RCN1: variants seen among roughly 807,000 people sequenced by gnomAD.
The protein encoded by RCN1 is reticulocalbin 1, also known as reticulocalbin-1.
A neutral mutation model predicts 34.7 loss-of-function variants in RCN1; 14 were observed. The ratio of observed to expected loss-of-function variants is 0.40; its 90% CI spans 0.27 to 0.63. RCN1 has a LOEUF of 0.63. Among genes scored for constraint, RCN1 ranks in the 30% least tolerant of loss-of-function variants. RCN1 has a pLI of 0.37. For synonymous variants in RCN1, 125 were observed against 165.5 expected (o/e 0.76, Z 1.88); for missense variants, 326 against 425.1 (o/e 0.77, Z 2.05).
chr11:32,091,566 G>C, intron 1 of RCN1, 116 bp downstream of exon 1: 1 of 1,354,620 alleles, frequency 7.4e-7, no homozygotes, highest in Non-Finnish European at 9.9e-7. Flanking sequence ...GCGCGGCCTC[G>C]AGGATGGGGC....
At chr11:32,098,070 G>C (rs1262770561) in intron 2 of RCN1, among the ~76,000 whole-genome samples, 1 of 152,196 alleles carries the variant, frequency 6.6e-6, no homozygotes, top group Non-Finnish European at 1.5e-5. Flanking sequence ...GATGAAAGTA[G>C]AGTTCTGCAA....
intron 4 of RCN1, among the ~76,000 whole-genome samples, chr11:32,101,563 C>T (rs537606789): frequency 4.1e-4 from 62 of 152,322 alleles, no homozygotes; most frequent in African/African-American, 1.4e-3. Context: ...GACACGAGAA[C>T]AAGTGCCTTC....
chr11:32,092,133 C>T (rs1244680275), intron 1 of RCN1, among the ~76,000 whole-genome samples: 1 of 151,890 alleles, frequency 6.6e-6, no homozygotes, highest in Non-Finnish European at 1.5e-5. Context: ...ACGGCGAAAT[C>T]CCGTCTCTAC....
At chr11:32,095,000 C>G (rs1006666277) in intron 1 of RCN1, among the ~76,000 whole-genome samples, 1 of 152,188 alleles carries the variant, frequency 6.6e-6, no homozygotes, top group Non-Finnish European at 1.5e-5. Context: ...GTTTATTTGG[C>G]ATAGATTAGA....
At chr11:32,091,534 C>CAAAGCG (rs1239111077) in intron 1 of RCN1, 84 bp downstream of exon 1, 4 of 1,478,428 alleles carry the variant, frequency 2.7e-6, no homozygotes, top group Non-Finnish European at 3.6e-6. Context: ...ATACCACCGC[C>CAAAGCG]AAAGCGAAAG....
chr11:32,105,658 C>T lies in RCN1; in HGVS notation c.*1186C>T, dbSNP rs1590221502. 1 of 152,020 alleles carries T rather than the reference C, an allele frequency of 6.6e-6. No homozygotes were observed. Among genetic ancestry groups the T allele is most frequent in the South Asian group, 2.1e-4 (1 of 4,818 alleles). The allele number at this position is 152,020 out of a possible 1,614,324, so 9.4% of individuals were successfully genotyped here. On this transcript the variant is annotated 3_prime_UTR_variant, in exon 6 of 6. Transcript: ENST00000054950. ...AAAGGTTCTGGGGTTTTTTTTCATC[C>T]AATTACTAGAATGTTCAGAATAGAC...
Position 32,091,433 on chromosome 11 carries a change from G to C in RCN1, c.237G>C (p.Glu79Asp), listed in dbSNP as rs113010055. The change falls in exon 1 of 6, where the codon GAG (glutamate) becomes GAC (aspartate). Residue 79 changes from glutamate to aspartate, a missense_variant. By Grantham distance (45) the Glu-to-Asp change is conservative. Coordinates refer to ENST00000054950, the MANE Select transcript of RCN1 (RefSeq NM_002901.4). The part of the protein sequence containing the change: ...SKTFDQLTPD[E>D]SKERLGKIVD... ...CCTTCGACCAGCTCACCCCGGACGAGAGCAAGGAGAGGCTAGGGTGAGGCC... is the reference window on the plus strand; with the variant it reads ...CCTTCGACCAGCTCACCCCGGACGACAGCAAGGAGAGGCTAGGGTGAGGCC... 2.6e-6 allele frequency: 4 copies of C among 1,547,244 alleles called. No homozygotes were observed. The highest frequency in any genetic ancestry group is 3.9e-5 in the Admixed American group (2 of 50,696).
At chr11:32,097,068 G>T in intron 1 of RCN1, 76 bp from the exon 2 acceptor site, 1 of 1,216,684 alleles carries the variant, frequency 8.2e-7, no homozygotes, top group South Asian at 1.9e-5. Context: ...TGCTGGACCA[G>T]CATCACACAA....
In RCN1 at chr11:32,091,549, A is replaced by G. The variant is rs1851922014; in HGVS notation, c.254+99A>G. The G allele has an allele frequency of 2.8e-5, 41 of 1,444,200 alleles. 1 individual carries two copies. The South Asian group carries it at 4.2e-4, about 15-fold the overall frequency. 89.5% of individuals were successfully genotyped at this position (1,444,200 alleles called of 1,614,324 possible). A position where few individuals can be genotyped will look rare whatever the true frequency, so the allele number is the denominator to read the frequency against. ...ATACCACCGCCAAAGCGAAAGCGAA[A>G]TCGCGCGCGCGGCCTCGAGGATGGG... On this transcript the variant is annotated intron_variant, in intron 1 of 5. Transcript: ENST00000054950.
intron 1 of RCN1, among the ~76,000 whole-genome samples, chr11:32,092,735 C>T (rs553294977): frequency 1.3e-5 from 2 of 152,148 alleles, no homozygotes; most frequent in South Asian, 4.2e-4. Context: ...GCAGTCCTGC[C>T]TATTGGGCAC....
In RCN1 at chr11:32,097,157, C is replaced by A. The variant is rs767768797; in HGVS notation, c.268C>A (p.Arg90=). ...TTTGTACTGCAGGAAGATTGTTGAT[C>A]GAATCGACAATGATGGGGATGGCTT... ...SKERLGKIVD[R]IDNDGDGFVT... The change falls in exon 2 of 6, where the codon CGA becomes AGA. Residue 90 remains arginine, a synonymous_variant. Transcript: ENST00000054950. 6.8e-6 allele frequency: 10 copies of A among 1,478,744 alleles called. No individual in the cohort carries two copies. The highest frequency in any genetic ancestry group is 2.4e-5 in the East Asian group (1 of 41,070). 91.6% of individuals were successfully genotyped at this position (1,478,744 alleles called of 1,614,324 possible). A position where few individuals can be genotyped will look rare whatever the true frequency, so the allele number is the denominator to read the frequency against.
At chr11:32,093,975 G>A (rs1362639330) in intron 1 of RCN1, among the ~76,000 whole-genome samples, 1 of 152,198 alleles carries the variant, frequency 6.6e-6, no homozygotes, top group Non-Finnish European at 1.5e-5. Context: ...AGGGGGAGAA[G>A]AGAGAGGTAG....
rs1852098772 is a variant in RCN1 at position 32,105,339 on chromosome 11, G to T, written c.*867G>T. 1 of 157,016 alleles carries T rather than the reference G, an allele frequency of 6.4e-6. No homozygotes were observed. The highest frequency in any genetic ancestry group is 2.4e-5 in the African/African-American group (1 of 41,432). 9.7% of individuals were successfully genotyped at this position (157,016 alleles called of 1,614,324 possible). ...GATCCTTGGGAAGCCAAACGGAGCG[G>T]AGTTCTGGATCATGTCCCATCCAGT... On this transcript the variant is annotated 3_prime_UTR_variant, in exon 6 of 6. Transcript: ENST00000054950.
chr11:32,102,862 G>A (rs1483796749), intron 4 of RCN1: 1 of 383,038 alleles, frequency 2.6e-6, no homozygotes, highest in South Asian at 2.0e-5. Context: ...ACAGTATCTG[G>A]ACCATAGTGT....
At position 32,104,458 on chromosome 11, in the gene RCN1, CATG is replaced by C; in HGVS notation, c.987_989del (p.Asp329del). Reference sequence around the variant, plus strand: ...TTACGGGGAAGATCTCACAAAAAATCATGATGAGCTTTGATAGACACTCACCAG... The same window carrying C: ...TTACGGGGAAGATCTCACAAAAAATCATGAGCTTTGATAGACACTCACCAG... On this transcript the variant is annotated inframe_deletion, in exon 6 of 6. Transcript: ENST00000054950. 1 of 1,492,006 alleles carries C rather than the reference CATG, an allele frequency of 6.7e-7. No homozygotes were observed. The allele number at this position is 1,492,006 out of a possible 1,614,324, so 92.4% of individuals were successfully genotyped here.
chr11:32,100,298 C>T (rs1852020763), intron 3 of RCN1, among the ~76,000 whole-genome samples: 1 of 150,968 alleles, frequency 6.6e-6, no homozygotes, highest in African/African-American at 2.4e-5. Flanking sequence ...CAGAGCACCT[C>T]TGGGGTTACA....
At chr11:32,097,823 G>A (rs1489651424) in intron 2 of RCN1, among the ~76,000 whole-genome samples, 1 of 152,128 alleles carries the variant, frequency 6.6e-6, no homozygotes, top group African/African-American at 2.4e-5. Context: ...GTAATGGGAA[G>A]GGTTTAGATC....
chr11:32,102,277 A>AG (rs397782969), intron 4 of RCN1: 16 of 150,958 alleles, frequency 1.1e-4, no homozygotes, highest in African/African-American at 3.4e-4. Context: ...GGGGAAAAAA[A>AG]GTGAGCCCAT....
rs895193288 is a variant in RCN1, at chr11:32,100,609, G to T, written c.688+1G>T. 6.2e-7 allele frequency: 1 copy of T among 1,612,986 alleles called. No homozygotes were observed. Among genetic ancestry groups the T allele is most frequent in the African/African-American group, 1.3e-5 (1 of 74,888 alleles). On this transcript the variant is annotated splice_donor_variant, in intron 4 of 5. Transcript: ENST00000054950. LOFTEE classifies it high-confidence loss of function. ...TTTGTGGATCAGGATGAGTATATTGGTGAGTACTGACCTAGAGTCTTGCTC... is the reference window on the plus strand; with the variant it reads ...TTTGTGGATCAGGATGAGTATATTGTTGAGTACTGACCTAGAGTCTTGCTC...
Sources: allele counts gnomAD v4.1 joint callset (sites outside exome capture counted in the v4.1 genomes callset), GRCh38; gene constraint gnomAD v4.1.1; transcripts MANE v1.5; gene names NCBI Gene and HGNC (gene_info 2026-07-23, HGNC 2026-07-21).